Variants in PTPRM observed in about 807,000 individuals in gnomAD.
PTPRM encodes the protein protein tyrosine phosphatase receptor type M.
A neutral mutation model predicts 186.7 loss-of-function variants in PTPRM; 47 were observed. The ratio of observed to expected loss-of-function variants is 0.25; its 90% CI spans 0.20 to 0.32. PTPRM has a LOEUF of 0.32. PTPRM is among the 10% of genes least tolerant of loss of function. The pLI, the probability that PTPRM is intolerant of heterozygous loss-of-function variation, is 1.00. For missense variants in PTPRM, 1,494 were observed against 1,865.0 expected, an observed-to-expected ratio of 0.80 and a Z score of 3.66; for synonymous variants, 668 against 674.9, an observed-to-expected ratio of 0.99 and a Z score of 0.16.
In PTPRM at chr18:8,103,747, A is replaced by G. The variant is rs898403942; in HGVS notation, c.1857-9739A>G. On this transcript the variant is annotated intron_variant, in intron 11 of 32. Coordinates refer to ENST00000580170, the MANE Select transcript of PTPRM (RefSeq NM_001105244.2). ...GGAGTAGCACTTTTAATTTCCTTCAATAACTTTTCCTTTGCATTTACAACT... is the reference window on the plus strand; with the variant it reads ...GGAGTAGCACTTTTAATTTCCTTCAGTAACTTTTCCTTTGCATTTACAACT... Among the ~76,000 whole-genome samples, 8 of 152,320 alleles carry G rather than the reference A, an allele frequency of 5.3e-5. No homozygotes were observed. In the East Asian group the frequency reaches 7.7e-4, roughly 15 times the overall value.
rs1599860392 is a variant in PTPRM, at chr18:7,984,241, C to A, written c.1132+28827C>A. On this transcript the variant is annotated intron_variant, in intron 7 of 32. Transcript: ENST00000580170. ...GAGGGCATTAGAGTTTATAAGGTAC[C>A]ACCACATCCGTTTTCTTACCTAATC... Among the ~76,000 whole-genome samples the A allele has an allele frequency of 2.6e-5, 4 of 152,016 alleles. No individual in the cohort carries two copies. In the South Asian group the frequency reaches 8.3e-4, roughly 32 times the overall value.
At chr18:7,909,424 G>A (rs1409195062) in intron 4 of PTPRM, among the ~76,000 whole-genome samples, 2 of 152,192 alleles carry the variant, frequency 1.3e-5, no homozygotes, top group African/African-American at 4.8e-5. Flanking sequence ...TGAACTGGAA[G>A]CCTTAAATGG....
intron 2 of PTPRM, among the ~76,000 whole-genome samples, chr18:7,830,144 T>C (rs1381808685): frequency 2.0e-5 from 3 of 152,158 alleles, no homozygotes; most frequent in Non-Finnish European, 4.4e-5. Flanking sequence ...TCCATATCCA[T>C]TCCCTTTCTT....
intron 2 of PTPRM, among the ~76,000 whole-genome samples, chr18:7,870,217 G>C (rs548454349): frequency 2.0e-5 from 3 of 152,106 alleles, no homozygotes; most frequent in Non-Finnish European, 2.9e-5. Flanking sequence ...GTAAGTTAAG[G>C]CCATGTTGAA....
At chr18:7,922,057 T>C (rs945304707) in intron 4 of PTPRM, among the ~76,000 whole-genome samples, 1 of 152,176 alleles carries the variant, frequency 6.6e-6, no homozygotes, top group Non-Finnish European at 1.5e-5. Context: ...TACCTGTTGA[T>C]TTCCCTTTTT....
chr18:8,344,191 G>C (rs774876348), intron 23 of PTPRM, among the ~76,000 whole-genome samples: 1 of 152,074 alleles, frequency 6.6e-6, no homozygotes, highest in Admixed American at 6.6e-5. Flanking sequence ...CCATGGTTGT[G>C]CTAACTGAAG....
intron 20 of PTPRM, among the ~76,000 whole-genome samples, chr18:8,304,461 T>C (rs143771401): frequency 6.8e-4 from 103 of 152,288 alleles, no homozygotes; most frequent in African/African-American, 2.4e-3. Flanking sequence ...CCCAAAAATA[T>C]CTGCTTTTCT....
At chr18:7,836,946 T>C (rs2046081611) in intron 2 of PTPRM, among the ~76,000 whole-genome samples, 1 of 152,212 alleles carries the variant, frequency 6.6e-6, no homozygotes, top group Admixed American at 6.5e-5. Flanking sequence ...GGAGTTTGAT[T>C]ATTAAATGCC....
At chr18:7,667,399 A>G (rs2039120075) in intron 1 of PTPRM, among the ~76,000 whole-genome samples, 1 of 152,192 alleles carries the variant, frequency 6.6e-6, no homozygotes, top group Non-Finnish European at 1.5e-5. Flanking sequence ...TTAATATTAA[A>G]TGGAACCCCC....
intron 1 of PTPRM, among the ~76,000 whole-genome samples, chr18:7,660,992 CAAAG>C (rs1450327749): frequency 2.0e-5 from 3 of 151,414 alleles, no homozygotes; most frequent in Non-Finnish European, 4.4e-5. Context: ...AAAAAAAAAG[CAAAG>C]AAAAGAAAGA....
chr18:8,260,378 C>G (rs776201367), intron 19 of PTPRM, among the ~76,000 whole-genome samples: 1 of 151,996 alleles, frequency 6.6e-6, no homozygotes, highest in Non-Finnish European at 1.5e-5. Context: ...TGCTGAGGCT[C>G]GTCTTGAACT....
chr18:8,040,603 C>T (rs75676539), intron 7 of PTPRM, among the ~76,000 whole-genome samples: 4,792 of 152,220 alleles, frequency 0.031, 231 homozygotes, highest in African/African-American at 0.11. Flanking sequence ...TTGTCGTTTG[C>T]TACCTTTTAA....
rs977968444 is a variant in PTPRM at position 8,237,879 on chromosome 18, T to G, written c.2301-6179T>G. 9.8e-5 allele frequency among the ~76,000 whole-genome samples: 15 copies of G among 152,366 alleles called. No individual in the cohort carries two copies. In the South Asian group the frequency reaches 2.9e-3, roughly 29 times the overall value. On this transcript the variant is annotated intron_variant, in intron 14 of 32. Coordinates refer to ENST00000580170, the MANE Select transcript of PTPRM (RefSeq NM_001105244.2). ...ATGAATATTTCACTTCACTTTGTTC[T>G]TGTTTGAATGGTTTCTGAGGAGAAG...
At chr18:8,238,651 G>GTTT (rs71165776) in intron 14 of PTPRM, among the ~76,000 whole-genome samples, 733 of 25,552 alleles carry the variant, frequency 0.029, 112 homozygotes, top group East Asian at 0.085. Context: ...TGTTTTGTGT[G>GTTT]TTTTTTTTTT....
chr18:8,371,065 C>CCTG, intron 24 of PTPRM, 59 bp downstream of exon 24: 1 of 1,001,418 alleles, frequency 1.0e-6, no homozygotes, highest in Non-Finnish European at 1.5e-6. Flanking sequence ...CCATACTAGC[C>CCTG]TCATTAACTT....
chr18:8,074,232 T>C (rs549324812), intron 8 of PTPRM, among the ~76,000 whole-genome samples: 1 of 152,342 alleles, frequency 6.6e-6, no homozygotes, highest in African/African-American at 2.4e-5. Context: ...GCTCATATCC[T>C]CTCACAATCT....
intron 7 of PTPRM, among the ~76,000 whole-genome samples, chr18:8,033,341 TG>T (rs2086114766): frequency 6.6e-6 from 1 of 152,190 alleles, no homozygotes; most frequent in Non-Finnish European, 1.5e-5. Flanking sequence ...GTATGTATCA[TG>T]ACTATACACT....
chr18:8,113,450 C>A, intron 11 of PTPRM, 36 bp from the exon 12 acceptor site: 1 of 1,589,504 alleles, frequency 6.3e-7, no homozygotes. Flanking sequence ...GTTCAGTTAT[C>A]ATAAAATATC....
At chr18:7,805,303 G>A (rs2044178194) in intron 2 of PTPRM, among the ~76,000 whole-genome samples, 2 of 151,972 alleles carry the variant, frequency 1.3e-5, no homozygotes, top group South Asian at 2.1e-4. Flanking sequence ...GACATCCCAC[G>A]TTCACACTCT....
Sources: allele counts gnomAD v4.1 joint callset (sites outside exome capture counted in the v4.1 genomes callset), GRCh38; gene constraint gnomAD v4.1.1; transcripts MANE v1.5; gene names NCBI Gene and HGNC (gene_info 2026-07-23, HGNC 2026-07-21).